DICER1: variants seen among roughly 807,000 people sequenced by gnomAD.
The protein encoded by DICER1 is endoribonuclease Dicer.
Under a neutral mutation model 194.1 loss-of-function variants are expected in DICER1, and 43 were observed. The ratio of observed to expected loss-of-function variants is 0.22; its 90% CI spans 0.17 to 0.29. The LOEUF (loss-of-function observed/expected upper bound fraction) is 0.29, where lower values mean the gene tolerates loss of function less well. DICER1 is among the 10% of genes least tolerant of loss of function. The pLI, the probability that DICER1 is intolerant of heterozygous loss-of-function variation, is 1.00. For missense variants in DICER1, 1,608 were observed against 2,317.0 expected, an observed-to-expected ratio of 0.69 and a Z score of 6.28; for synonymous variants, 832 against 820.5, an observed-to-expected ratio of 1.01 and a Z score of -0.24.
Position 95,104,058 on chromosome 14 carries a change from G to A in DICER1, c.3338C>T (p.Ser1113Phe), listed in dbSNP as rs143841809. 1 of 1,614,072 alleles carries A rather than the reference G, an allele frequency of 6.2e-7. No homozygotes were observed. Among genetic ancestry groups the A allele is most frequent in the African/African-American group, 1.3e-5 (1 of 75,038 alleles). ...DSKSFISISN[S>F]SSAENDNYCK... ...GTAATTATCATTTTCAGCTGAAGAG[G>A]AGTTAGAAATTGAGATGAAAGATTT... The change falls in exon 21 of 27, where the codon TCC becomes TTC. Residue 1113 changes from serine to phenylalanine, a missense_variant. Physicochemically the swap from Ser to Phe is radical, Grantham distance 155. Transcript: ENST00000343455.
At chr14:95,128,213 C>A (rs1440451489) in intron 6 of DICER1, among the ~76,000 whole-genome samples, 2 of 152,092 alleles carry the variant, frequency 1.3e-5, no homozygotes, top group African/African-American at 4.8e-5. Flanking sequence ...TACTATAGTT[C>A]TTTTTTTCTT....
At chr14:95,150,843 A>G (rs1895467409) in intron 1 of DICER1, among the ~76,000 whole-genome samples, 1 of 152,236 alleles carries the variant, frequency 6.6e-6, no homozygotes, top group Non-Finnish European at 1.5e-5. Context: ...TCCTACTGAA[A>G]GTACAAAACT....
chr14:95,098,309 G>A (rs1189643101), intron 22 of DICER1, among the ~76,000 whole-genome samples: 1 of 152,164 alleles, frequency 6.6e-6, no homozygotes, highest in African/African-American at 2.4e-5. Flanking sequence ...CGTCTATTAA[G>A]AGGCGTTTTA....
At chr14:95,140,142 T>G (rs968496866) in intron 1 of DICER1, among the ~76,000 whole-genome samples, 2 of 152,216 alleles carry the variant, frequency 1.3e-5, no homozygotes, top group Admixed American at 1.3e-4. Flanking sequence ...TCCACATGAC[T>G]GTTTTTCAAC....
In DICER1 at chr14:95,137,922, C is replaced by T. The variant is rs200801744; in HGVS notation, c.-45-4419G>A. On this transcript the variant is annotated intron_variant, in intron 1 of 26. Transcript: ENST00000343455. The stretch of plus-strand genomic sequence containing the variant: ...CAAGAGAGGGAGAGAGATCGTTTCC[C>T]TGGCCTGCCTATTTCCTCCTTTGTT... The T allele has an allele frequency of 3.9e-5, 6 of 154,820 alleles. No homozygotes were observed. In the East Asian group the frequency reaches 9.6e-4, roughly 25 times the overall value. The allele number at this position is 154,820 out of a possible 1,614,324, so 9.6% of individuals were successfully genotyped here. A position where few individuals can be genotyped will look rare whatever the true frequency, so the allele number is the denominator to read the frequency against.
At position 95,091,235 on chromosome 14, in the gene DICER1, T is replaced by C. The variant is rs1566746163; in HGVS notation, c.5495A>G (p.Gln1832Arg). 1.2e-6 allele frequency: 2 copies of C among 1,614,178 alleles called. No homozygotes were observed. Among genetic ancestry groups the C allele is most frequent in the East Asian group, 4.5e-5 (2 of 44,880 alleles). Residue 1832 changes from glutamine to arginine, a missense_variant, in exon 25 of 27, where the codon CAG becomes CGG. Around this residue, in one of 10 missense-constraint regions of DICER1, gnomAD observed 138 missense variants for 298.3 expected, o/e 0.46. Coordinates refer to ENST00000343455, the MANE Select transcript of DICER1 (RefSeq NM_177438.3). ...TGGCCGCATCATGGGATAGTACACC[T>C]GCCAGACTGTCTCCAGTGACATCCC... is the stretch of plus-strand genomic sequence containing the variant. The part of the protein sequence containing the change: ...DSGMSLETVW[Q>R]VYYPMMRPLI...
chr14:95,111,542 G>A lies in DICER1; in HGVS notation c.2117-86C>T, dbSNP rs561370097. On this transcript the variant is annotated intron_variant, in intron 13 of 26. Coordinates refer to ENST00000343455, the MANE Select transcript of DICER1 (RefSeq NM_177438.3). Reference sequence around the variant, plus strand: ...ATTTAGAACAGAACTATGTTAGAAGGACCTGGAAAAGTAATGGAAACTAAA... The same window carrying A: ...ATTTAGAACAGAACTATGTTAGAAGAACCTGGAAAAGTAATGGAAACTAAA... 4.9e-6 allele frequency: 7 copies of A among 1,440,850 alleles called. No homozygotes were observed. The South Asian group carries it at 8.0e-5, about 17-fold the overall frequency. The allele number at this position is 1,440,850 out of a possible 1,614,324, so 89.3% of individuals were successfully genotyped here. A position where few individuals can be genotyped will look rare whatever the true frequency, so the allele number is the denominator to read the frequency against.
At chr14:95,132,361 A>G (rs1459921117) in intron 3 of DICER1, among the ~76,000 whole-genome samples, 154 bp downstream of exon 3, 1 of 152,266 alleles carries the variant, frequency 6.6e-6, no homozygotes, top group Non-Finnish European at 1.5e-5. Flanking sequence ...AAAAAGAAAT[A>G]GGACAAAACA....
Position 95,126,736 on chromosome 14 carries a change from C to T in DICER1, c.747G>A (p.Gln249=), listed in dbSNP as rs376070315. 2.2e-5 allele frequency: 36 copies of T among 1,606,302 alleles called. No homozygotes were observed. Among genetic ancestry groups the T allele is most frequent in the Non-Finnish European group, 3.0e-5 (35 of 1,175,602 alleles). ...DLVVLDRYTS[Q]PCEIVVDCGP... ...CACAATCCACCACAATCTCACATGG[C>T]TGAGAAGTATACCTTTAACATAAGA... Residue 249 remains glutamine (Q), a synonymous_variant, in exon 7 of 27, where the codon CAG becomes CAA. Coordinates refer to ENST00000343455, the MANE Select transcript of DICER1 (RefSeq NM_177438.3).
rs1278027856 is a variant in DICER1, at chr14:95,112,994, A to C, written c.2040+98T>G. 1.5e-5 allele frequency: 20 copies of C among 1,343,818 alleles called. No individual in the cohort carries two copies. The Admixed American group carries it at 3.3e-4, about 22-fold the overall frequency. 83.2% of individuals were successfully genotyped at this position (1,343,818 alleles called of 1,614,324 possible). ...CCTGCTCATGAAAGTAGATTTTAAA[A>C]TCAAATTTACCTATAACTTGCAAGT... On this transcript the variant is annotated intron_variant, in intron 12 of 26. Coordinates refer to ENST00000343455, the MANE Select transcript of DICER1 (RefSeq NM_177438.3).
intron 15 of DICER1, 105 bp downstream of exon 15, chr14:95,108,212 TTTAAATA>T: frequency 7.5e-7 from 1 of 1,327,160 alleles, no homozygotes; most frequent in South Asian, 1.2e-5. Context: ...CACCTCGATC[TTTAAATA>T]TTAAACATAC....
At chr14:95,120,286 C>A (rs756901960) in intron 8 of DICER1, among the ~76,000 whole-genome samples, 1 of 152,106 alleles carries the variant, frequency 6.6e-6, no homozygotes, top group Non-Finnish European at 1.5e-5. Context: ...TAATAGCATA[C>A]GGATGTTGCA....
intron 10 of DICER1, 87 bp from the exon 11 acceptor site, chr14:95,115,908 C>T (rs919403069): frequency 3.0e-6 from 4 of 1,342,354 alleles, no homozygotes; most frequent in Middle Eastern, 1.9e-4. Context: ...AAAAAACTCT[C>T]CTGAAAATAT....
At chr14:95,155,979 A>C (rs1004874610) in intron 1 of DICER1, among the ~76,000 whole-genome samples, 1 of 152,210 alleles carries the variant, frequency 6.6e-6, no homozygotes, top group African/African-American at 2.4e-5. Context: ...CCAGAACCTA[A>C]TTTCCAAAGA....
At chr14:95,147,483 G>T (rs1317927400) in intron 1 of DICER1, among the ~76,000 whole-genome samples, 1 of 152,054 alleles carries the variant, frequency 6.6e-6, no homozygotes, top group African/African-American at 2.4e-5. Flanking sequence ...AACCTCCCCC[G>T]TTAAGGCACA....
At chr14:95,091,562 GAAAA>G in intron 24 of DICER1, 197 bp from the exon 25 acceptor site, 1 of 552,664 alleles carries the variant, frequency 1.8e-6, no homozygotes, top group Non-Finnish European at 3.1e-6. Context: ...AACTTCTCAA[GAAAA>G]AAAGAAAAAA....
Position 95,088,407 on chromosome 14 carries a change from G to C in DICER1, c.*2091C>G, listed in dbSNP as rs1219204240. 1 of 232,210 alleles carries C rather than the reference G, an allele frequency of 4.3e-6. No homozygotes were observed. Among genetic ancestry groups the C allele is most frequent in the Non-Finnish European group, 8.5e-6 (1 of 117,288 alleles). 14.4% of individuals were successfully genotyped at this position (232,210 alleles called of 1,614,324 possible). On this transcript the variant is annotated 3_prime_UTR_variant, in exon 27 of 27. Transcript: ENST00000343455. ...CACAATGCAAAGCCCTAAGCTCCTGGCATCAGGTAGTTTATAAATATTAAG... is the reference window on the plus strand; with the variant it reads ...CACAATGCAAAGCCCTAAGCTCCTGCCATCAGGTAGTTTATAAATATTAAG...
chr14:95,104,409 T>C (rs542743820), intron 20 of DICER1, among the ~76,000 whole-genome samples: 75 of 152,264 alleles, frequency 4.9e-4, no homozygotes, highest in African/African-American at 1.3e-3. Context: ...GCTTCACGGG[T>C]TGGAATCCCA....
chr14:95,115,554 A>C, intron 11 of DICER1, 113 bp downstream of exon 11: 2 of 1,134,022 alleles, frequency 1.8e-6, no homozygotes, highest in Admixed American at 3.6e-5. Flanking sequence ...AAAATATGGC[A>C]AGTCTAAGTA....
Sources: allele counts gnomAD v4.1 joint callset (sites outside exome capture counted in the v4.1 genomes callset), GRCh38; gene constraint gnomAD v4.1.1; regional missense constraint gnomAD v4.1.1; transcripts MANE v1.5; gene names NCBI Gene and HGNC (gene_info 2026-07-23, HGNC 2026-07-21).